Variants in VPS13C observed in about 807,000 individuals in gnomAD.
The protein encoded by VPS13C is vacuolar protein sorting 13 homolog C.
A neutral mutation model predicts 456.8 loss-of-function variants in VPS13C; 358 were observed. The ratio of observed to expected loss-of-function variants is 0.78; its 90% CI spans 0.72 to 0.86. The LOEUF (loss-of-function observed/expected upper bound fraction) is 0.86. Among genes scored for constraint, VPS13C ranks in the 40% least tolerant of loss-of-function variants. The pLI is 0.00. For missense variants in VPS13C, 4,818 were observed against 4,385.4 expected (o/e 1.10, Z -2.79); for synonymous variants, 1,578 against 1,486.7 (o/e 1.06, Z -1.41).
chr15:61,890,635 C>T (rs937670483), intron 66 of VPS13C, among the ~76,000 whole-genome samples: 2 of 152,152 alleles, frequency 1.3e-5, no homozygotes, highest in Non-Finnish European at 2.9e-5. Context: ...GTCTGAATTA[C>T]CTACTGAGTG....
chr15:61,922,762 T>G lies in VPS13C; in HGVS notation c.6610A>C (p.Ile2204Leu), dbSNP rs757809087. ...ACAGTATTAAGAATTATGGGTGAAA[T>G]CTTTAAAAAAGAAAGCAGAAAAATA... The part of the protein sequence containing the change: ...NIMVKEFIIK[I>L]SPIILNTVLT... Residue 2204 changes from isoleucine to leucine, a missense_variant and splice_region_variant, in exon 54 of 85, where the codon ATT becomes CTT. By Grantham distance (5) the Ile-to-Leu change is conservative. Coordinates refer to ENST00000644861, the MANE Select transcript of VPS13C (RefSeq NM_020821.3). 11 of 1,560,504 alleles carry G rather than the reference T, an allele frequency of 7.0e-6. No individual in the cohort carries two copies. The highest frequency in any genetic ancestry group is 9.5e-6 in the Non-Finnish European group (11 of 1,159,494).
intron 13 of VPS13C, among the ~76,000 whole-genome samples, chr15:62,010,202 T>C (rs925669837): frequency 1.1e-4 from 17 of 151,310 alleles, no homozygotes; most frequent in African/African-American, 4.1e-4. Flanking sequence ...AAAAAAAAAA[T>C]CTTCCATCAA....
At chr15:61,880,983 G>A (rs1555409857) in intron 71 of VPS13C, 29 bp from the exon 72 acceptor site, 1 of 1,525,242 alleles carries the variant, frequency 6.6e-7, no homozygotes, top group South Asian at 1.2e-5. Flanking sequence ...AATGGAAAAG[G>A]ATTTCTACCA....
At chr15:61,998,424 A>T (rs186047799) in intron 16 of VPS13C, among the ~76,000 whole-genome samples, 19 of 152,340 alleles carry the variant, frequency 1.2e-4, no homozygotes, top group Admixed American at 1.2e-3. Context: ...GCTAATGCAA[A>T]TGATAATGAC....
At chr15:61,932,633 ATG>A (rs948165575) in intron 49 of VPS13C, among the ~76,000 whole-genome samples, 4 of 152,086 alleles carry the variant, frequency 2.6e-5, no homozygotes, top group Non-Finnish European at 5.9e-5. Flanking sequence ...GGTGCTGGGT[ATG>A]TGCAATCATT....
At chr15:61,978,835 A>G in intron 22 of VPS13C, 86 bp from the exon 23 acceptor site, 1 of 1,373,542 alleles carries the variant, frequency 7.3e-7, no homozygotes, top group Non-Finnish European at 9.7e-7. Context: ...TCAGTCTTGC[A>G]TTTAGTTAGT....
At chr15:62,007,715 G>A (rs2046900283) in intron 14 of VPS13C, among the ~76,000 whole-genome samples, 1 of 152,158 alleles carries the variant, frequency 6.6e-6, no homozygotes, top group African/African-American at 2.4e-5. Context: ...AACGACATGT[G>A]GGAAATAGCA....
chr15:61,976,998 A>G, intron 24 of VPS13C, 84 bp downstream of exon 24: 4 of 960,032 alleles, frequency 4.2e-6, no homozygotes, highest in East Asian at 2.7e-5. Flanking sequence ...ACAGAAATCT[A>G]TCTTTGCTTC....
chr15:61,853,352 T>C lies in VPS13C; in HGVS notation c.*1105A>G, dbSNP rs1413817526. 2.6e-5 allele frequency: 4 copies of C among 152,218 alleles called. No homozygotes were observed. Among genetic ancestry groups the C allele is most frequent in the Admixed American group, 2.6e-4 (4 of 15,286 alleles). 9.4% of individuals were successfully genotyped at this position (152,218 alleles called of 1,614,324 possible). A position where few individuals can be genotyped will look rare whatever the true frequency, so the allele number is the denominator to read the frequency against. On this transcript the variant is annotated 3_prime_UTR_variant, in exon 85 of 85. Coordinates refer to ENST00000644861, the MANE Select transcript of VPS13C (RefSeq NM_020821.3). ...ATATAAAAATATTGAATTTTACATA[T>C]TTCAGAGTCTTGAGAAACTTAAAGT...
At chr15:61,877,327 C>T (rs938757626) in intron 74 of VPS13C, among the ~76,000 whole-genome samples, 4 of 151,506 alleles carry the variant, frequency 2.6e-5, no homozygotes, top group South Asian at 2.1e-4. Context: ...TTTCGTATTT[C>T]GCACTTAGAA....
At position 61,919,322 on chromosome 15, in the gene VPS13C, C is replaced by T; in HGVS notation, c.7605G>A (p.Gly2535=). The T allele has an allele frequency of 6.2e-7, 1 of 1,607,030 alleles. No individual in the cohort carries two copies. The change falls in exon 58 of 85, where the codon GGG becomes GGA. Residue 2535 remains glycine, a synonymous_variant. Coordinates refer to ENST00000644861, the MANE Select transcript of VPS13C (RefSeq NM_020821.3). ...GAGAGCGAAGGGTAATTACTTTATTCCCTTCAGTTGCATCAATTTGTACCA... is the reference window on the plus strand; with the variant it reads ...GAGAGCGAAGGGTAATTACTTTATTTCCTTCAGTTGCATCAATTTGTACCA... ...SVLVQIDATE[G]NKVITLRSPL... is the part of the protein sequence containing the mutation.
At chr15:62,015,458 G>A (rs1019278280) in intron 9 of VPS13C, among the ~76,000 whole-genome samples, 2 of 151,742 alleles carry the variant, frequency 1.3e-5, no homozygotes, top group Non-Finnish European at 2.9e-5. Context: ...GTAATGCCTA[G>A]GTTTTCTTCT....
intron 39 of VPS13C, 144 bp downstream of exon 39, chr15:61,951,680 T>G (rs966076627): frequency 6.6e-6 from 5 of 754,252 alleles, no homozygotes; most frequent in Non-Finnish European, 9.7e-6. Context: ...CCTAGAACTG[T>G]ACCCAGGGAC....
chr15:61,875,921 G>T, intron 75 of VPS13C, 76 bp from the exon 76 acceptor site: 1 of 979,770 alleles, frequency 1.0e-6, no homozygotes, highest in Non-Finnish European at 1.5e-6. Context: ...GAAAAAAAGA[G>T]ATTTACTGAT....
At chr15:62,046,636 A>C (rs1481904161) in intron 1 of VPS13C, among the ~76,000 whole-genome samples, 1 of 152,228 alleles carries the variant, frequency 6.6e-6, no homozygotes, top group Non-Finnish European at 1.5e-5. Context: ...TGGTGGGCCA[A>C]GAGTTACCAG....
At chr15:61,863,050 G>A (rs1016627261) in intron 82 of VPS13C, among the ~76,000 whole-genome samples, 1 of 152,026 alleles carries the variant, frequency 6.6e-6, no homozygotes. Flanking sequence ...CCTTTAAAAG[G>A]GGTATGCTAA....
intron 4 of VPS13C, among the ~76,000 whole-genome samples, chr15:62,034,407 A>G (rs540622172): frequency 1.1e-3 from 170 of 151,818 alleles, no homozygotes; most frequent in African/African-American, 4.0e-3. Flanking sequence ...ACTTTTCTTA[A>G]CATTATATTG....
chr15:61,937,336 T>A (rs2044260530), intron 47 of VPS13C, among the ~76,000 whole-genome samples: 1 of 152,226 alleles, frequency 6.6e-6, no homozygotes, highest in Non-Finnish European at 1.5e-5. Context: ...GGTAGCATCT[T>A]ATCTTTTACC....
intron 16 of VPS13C, among the ~76,000 whole-genome samples, 193 bp downstream of exon 16, chr15:62,000,371 A>AAAT (rs1567091771): frequency 6.6e-6 from 1 of 152,162 alleles, no homozygotes; most frequent in African/African-American, 2.4e-5. Flanking sequence ...TCTCAAAAAA[A>AAAT]AATAATAATA....
Sources: gnomAD v4.1 joint callset for allele counts (sites outside exome capture counted in the v4.1 genomes callset) on GRCh38, gnomAD v4.1.1 for gene constraint, MANE v1.5 for transcripts, NCBI Gene and HGNC (gene_info 2026-07-23, HGNC 2026-07-21) for gene names.